The following VWA3B variants were observed in gnomAD, a reference collection of about 807,000 sequenced individuals.
VWA3B encodes von Willebrand factor A domain containing 3B.
In VWA3B, 138 loss-of-function variants were observed where a neutral mutation model predicts 158.3. The ratio of observed to expected loss-of-function variants is 0.87; its 90% CI spans 0.76 to 1.00. VWA3B has a LOEUF of 1.00. Among genes scored for constraint, VWA3B ranks in the 50% least tolerant of loss-of-function variants. The pLI is 0.00. For synonymous variants in VWA3B, 596 were observed against 587.3 expected, an observed-to-expected ratio of 1.01 and a Z score of -0.21; for missense variants, 1,555 against 1,565.1, an observed-to-expected ratio of 0.99 and a Z score of 0.11.
intron 9 of VWA3B, among the ~76,000 whole-genome samples, chr2:98,182,989 C>T (rs1223297782): frequency 6.6e-6 from 1 of 152,168 alleles, no homozygotes; most frequent in Non-Finnish European, 1.5e-5. Context: ...TAGCTTACTG[C>T]AAACTGACAA....
intron 22 of VWA3B, among the ~76,000 whole-genome samples, chr2:98,274,976 C>T (rs1290470306): frequency 6.6e-6 from 1 of 152,202 alleles, no homozygotes; most frequent in Non-Finnish European, 1.5e-5. Context: ...TCCTCTGCTC[C>T]TCAGGGAGAC....
chr2:98,187,944 G>A, intron 9 of VWA3B, 31 bp from the exon 10 acceptor site: 4 of 1,565,438 alleles, frequency 2.6e-6, no homozygotes, highest in Non-Finnish European at 3.5e-6. Context: ...GACAGTTTCT[G>A]AGTGGCTTCT....
At chr2:98,196,044 A>G (rs1247876845) in intron 12 of VWA3B, among the ~76,000 whole-genome samples, 1 of 152,204 alleles carries the variant, frequency 6.6e-6, no homozygotes, top group African/African-American at 2.4e-5. Flanking sequence ...GATCTCACTT[A>G]TATGTAGAAT....
chr2:98,216,984 C>CCCCCT (rs760419262), intron 13 of VWA3B: 9 of 1,239,952 alleles, frequency 7.3e-6, no homozygotes, highest in Non-Finnish European at 9.4e-6. Flanking sequence ...TTGTAAGCAC[C>CCCCCT]CGCCCCGCAC....
intron 3 of VWA3B, among the ~76,000 whole-genome samples, chr2:98,117,311 G>A (rs1369752943): frequency 6.6e-6 from 1 of 152,158 alleles, no homozygotes; most frequent in African/African-American, 2.4e-5. Context: ...TCCCTTGAGG[G>A]TTTGACTGTG....
intron 21 of VWA3B, among the ~76,000 whole-genome samples, chr2:98,266,409 C>CT (rs1044281432): frequency 6.6e-6 from 1 of 151,744 alleles, no homozygotes; most frequent in African/African-American, 2.4e-5. Context: ...ATCTATATCT[C>CT]TGTTTTGGTA....
At chr2:98,234,860 C>A in intron 17 of VWA3B, 93 bp downstream of exon 17, 3 of 1,538,176 alleles carry the variant, frequency 2.0e-6, no homozygotes, top group Non-Finnish European at 2.6e-6. Flanking sequence ...TTGGGGAAAT[C>A]ATATTTTAAA....
At chr2:98,198,951 G>A (rs572979053) in intron 12 of VWA3B, among the ~76,000 whole-genome samples, 5 of 152,228 alleles carry the variant, frequency 3.3e-5, no homozygotes, top group Admixed American at 2.6e-4. Flanking sequence ...GCCAGGTGTG[G>A]TGGTGTGCGC....
intron 7 of VWA3B, among the ~76,000 whole-genome samples, chr2:98,154,019 G>A (rs1573923612): frequency 6.6e-6 from 1 of 152,144 alleles, no homozygotes; most frequent in African/African-American, 2.4e-5. Context: ...CTGTCACCAC[G>A]CCCAGCTAAT....
intron 22 of VWA3B, among the ~76,000 whole-genome samples, chr2:98,275,745 G>A (rs1305540793): frequency 6.6e-6 from 1 of 152,256 alleles, no homozygotes; most frequent in Non-Finnish European, 1.5e-5. Flanking sequence ...CATGCAGAAT[G>A]ATGTCTGAAA....
intron 14 of VWA3B, among the ~76,000 whole-genome samples, chr2:98,221,294 C>T (rs772178914): frequency 3.3e-5 from 5 of 152,122 alleles, no homozygotes; most frequent in African/African-American, 9.7e-5. Context: ...GAAAGCTCCA[C>T]GAAAAGCCTG....
chr2:98,128,337 A>G lies in VWA3B; in HGVS notation c.801A>G (p.Thr267=). 1 of 1,614,140 alleles carries G rather than the reference A, an allele frequency of 6.2e-7. No homozygotes were observed. Among genetic ancestry groups the G allele is most frequent in the Non-Finnish European group, 8.5e-7 (1 of 1,180,018 alleles). ...RALEIPCPVY[T]VSFNARGEGT... is the part of the protein sequence containing the mutation. ...TGGAGATCCCGTGTCCAGTCTACAC[A>G]GTGTCCTTCAACGCCAGAGGAGAAG... The change falls in exon 6 of 28, where the codon ACA becomes ACG. Residue 267 remains threonine, a synonymous_variant. Transcript: ENST00000477737.
intron 2 of VWA3B, among the ~76,000 whole-genome samples, chr2:98,095,192 C>T (rs1195614513): frequency 6.6e-6 from 1 of 152,104 alleles, no homozygotes; most frequent in Non-Finnish European, 1.5e-5. Flanking sequence ...AGGGGTTACA[C>T]TAAATCTGTA....
intron 9 of VWA3B, 68 bp from the exon 10 acceptor site, chr2:98,187,907 G>T: frequency 6.8e-7 from 1 of 1,475,886 alleles, no homozygotes. Flanking sequence ...CAGAGCTTAA[G>T]GTGCCATCTG....
At chr2:98,092,950 A>C (rs1682451968) in intron 1 of VWA3B, 111 bp from the exon 2 acceptor site, 2 of 678,242 alleles carry the variant, frequency 2.9e-6, no homozygotes, top group South Asian at 5.3e-5. Context: ...TTAATTGATA[A>C]ATAGCATTCC....
At chr2:98,095,319 A>G (rs1038010583) in intron 2 of VWA3B, among the ~76,000 whole-genome samples, 2 of 152,096 alleles carry the variant, frequency 1.3e-5, no homozygotes, top group Non-Finnish European at 2.9e-5. Flanking sequence ...TTTTCCTTGT[A>G]GATATATTCC....
At chr2:98,145,920 T>C (rs1677140921) in intron 7 of VWA3B, among the ~76,000 whole-genome samples, 1 of 152,134 alleles carries the variant, frequency 6.6e-6, no homozygotes, top group Middle Eastern at 3.4e-3. Context: ...GGTTGGGTTT[T>C]GGGGGGATCT....
intron 9 of VWA3B, among the ~76,000 whole-genome samples, chr2:98,184,305 C>T (rs1293063490): frequency 2.0e-5 from 3 of 152,216 alleles, no homozygotes; most frequent in African/African-American, 4.8e-5. Flanking sequence ...TGCAGGGCAG[C>T]GGAGGTGTCC....
chr2:98,217,054 T>G, intron 13 of VWA3B: 1 of 1,148,544 alleles, frequency 8.7e-7, no homozygotes, highest in Non-Finnish European at 1.1e-6. Flanking sequence ...CCCAGGATGG[T>G]GCTGGGGAGC....
Sources: gnomAD v4.1 joint callset for allele counts (sites outside exome capture counted in the v4.1 genomes callset) on GRCh38, gnomAD v4.1.1 for gene constraint, MANE v1.5 for transcripts, NCBI Gene and HGNC (gene_info 2026-07-23, HGNC 2026-07-21) for gene names.